Variants in PTPRN2 observed in about 807,000 individuals in gnomAD.
The protein encoded by PTPRN2 is receptor-type tyrosine-protein phosphatase N2.
Under a neutral mutation model 118.8 loss-of-function variants are expected in PTPRN2, and 74 were observed. The ratio of observed to expected loss-of-function variants is 0.62; its 90% CI spans 0.52 to 0.76. The LOEUF (loss-of-function observed/expected upper bound fraction) is 0.76. PTPRN2 is among the 30% of genes least tolerant of loss of function. The pLI is 0.00. For missense variants in PTPRN2, 1,481 were observed against 1,394.4 expected (o/e 1.06, Z -0.99); for synonymous variants, 641 against 608.0 (o/e 1.05, Z -0.80).
rs536248349 is a variant in PTPRN2, at chr7:158,272,919, G to A, written c.277+43900C>T. ...GCTTGGCTGTGTTGCCCCCCAGCCC[G>A]GTGCATGCAGACTCTGCTGACAGTC... On this transcript the variant is annotated intron_variant, in intron 3 of 22. Coordinates refer to ENST00000389418, the MANE Select transcript of PTPRN2 (RefSeq NM_002847.5). Among the ~76,000 whole-genome samples the A allele has an allele frequency of 1.4e-4, 21 of 152,220 alleles. No homozygotes were observed. In the East Asian group the frequency reaches 1.7e-3, roughly 13 times the overall value.
chr7:157,843,580 T>C (rs1363976611), intron 12 of PTPRN2, among the ~76,000 whole-genome samples: 1 of 152,094 alleles, frequency 6.6e-6, no homozygotes, highest in Non-Finnish European at 1.5e-5. Context: ...CGGGATTCCC[T>C]GGGGGAGGGC....
At chr7:157,655,690 G>A (rs1806028275) in intron 14 of PTPRN2, among the ~76,000 whole-genome samples, 1 of 152,310 alleles carries the variant, frequency 6.6e-6, no homozygotes, top group East Asian at 1.9e-4. Context: ...CCAGGACGAC[G>A]CCTACGGCCT....
At chr7:157,882,852 C>T (rs757278485) in intron 12 of PTPRN2, among the ~76,000 whole-genome samples, 6 of 151,214 alleles carry the variant, frequency 4.0e-5, no homozygotes, top group Non-Finnish European at 5.9e-5. Context: ...AACATGCCAC[C>T]CCCAAAATGG....
chr7:157,803,684 A>G (rs1805459274), intron 12 of PTPRN2, among the ~76,000 whole-genome samples: 1 of 151,904 alleles, frequency 6.6e-6, no homozygotes, highest in African/African-American at 2.4e-5. Flanking sequence ...TGAAGAGGCG[A>G]CCCTTCCCTA....
intron 12 of PTPRN2, among the ~76,000 whole-genome samples, chr7:157,721,224 G>A (rs1185684135): frequency 6.6e-6 from 1 of 152,210 alleles, no homozygotes; most frequent in Non-Finnish European, 1.5e-5. Context: ...CACGGTGTAG[G>A]CCCATTAGTG....
rs548211240 is a variant in PTPRN2 at position 158,003,638 on chromosome 7, G to A, written c.1723+77660C>T. Among the ~76,000 whole-genome samples the A allele has an allele frequency of 6.6e-6, 1 of 152,202 alleles. No homozygotes were observed. Among genetic ancestry groups the A allele is most frequent in the East Asian group, 1.9e-4 (1 of 5,134 alleles). ...GCCTTGGGGACTGCAGAGGATGGAT[G>A]TCTGCCCCACCTGTGGGGCTTCACC... On this transcript the variant is annotated intron_variant, in intron 11 of 22. Transcript: ENST00000389418. This position sits in a 1 kb window ranked among gnomAD's most constrained non-coding sequence, Gnocchi z 5.0.
intron 11 of PTPRN2, among the ~76,000 whole-genome samples, chr7:158,017,122 G>A (rs989107420): frequency 5.9e-5 from 9 of 152,232 alleles, no homozygotes; most frequent in African/African-American, 2.2e-4. Context: ...GGGCCCAGTG[G>A]TGCTTCTTGA....
intron 2 of PTPRN2, among the ~76,000 whole-genome samples, chr7:158,477,690 T>TTG (rs1289552478): frequency 6.6e-6 from 1 of 152,204 alleles, no homozygotes; most frequent in Non-Finnish European, 1.5e-5. Flanking sequence ...AAAAAACTCT[T>TTG]TGACACCCCA....
Position 158,441,017 on chromosome 7 carries a change from CGTG to C in PTPRN2, c.163+48715_163+48717del, listed in dbSNP as rs199869049. Among the ~76,000 whole-genome samples, 292 of 122,212 alleles carry C rather than the reference CGTG, an allele frequency of 2.4e-3. 4 individuals are homozygous for C. The East Asian group carries it at 0.051, about 21-fold the overall frequency. The allele number at this position is 122,212 out of a possible 152,430, so 80.2% of individuals were successfully genotyped here. ...TGGCAGTGATGGGGGTGGTGGTAGT[CGTG>C]GTGGTGGTGACAGTGGTAGTAGTGA... On this transcript the variant is annotated intron_variant, in intron 2 of 22. Coordinates refer to ENST00000389418, the MANE Select transcript of PTPRN2 (RefSeq NM_002847.5).
intron 11 of PTPRN2, among the ~76,000 whole-genome samples, chr7:158,071,089 G>T (rs1370886868): frequency 1.2e-5 from 1 of 80,236 alleles, no homozygotes; most frequent in African/African-American, 7.4e-5. Flanking sequence ...AGGTGCCCGT[G>T]GTGGTGGAGG....
intron 13 of PTPRN2, among the ~76,000 whole-genome samples, chr7:157,672,069 G>A (rs1189891396): frequency 5.9e-5 from 9 of 152,106 alleles, no homozygotes; most frequent in African/African-American, 1.4e-4. Flanking sequence ...CGAGGACACC[G>A]CTGACTGGGG....
At chr7:157,942,954 G>A (rs1409049722) in intron 11 of PTPRN2, among the ~76,000 whole-genome samples, 1 of 152,124 alleles carries the variant, frequency 6.6e-6, no homozygotes, top group Non-Finnish European at 1.5e-5. Flanking sequence ...TCCCATCCCT[G>A]GCATTTCCAT....
rs1051645640 is a variant in PTPRN2, at chr7:157,609,457, A to T, written c.2345-5382T>A. 6.6e-6 allele frequency among the ~76,000 whole-genome samples: 1 copy of T among 152,200 alleles called. No individual in the cohort carries two copies. Among genetic ancestry groups the T allele is most frequent in the Non-Finnish European group, 1.5e-5 (1 of 68,024 alleles). ...CAGATGTTCCATATTTTCACGGATT[A>T]GATCCTCTTCTCTCATCCTGGACCC... On this transcript the variant is annotated intron_variant, in intron 15 of 22. Coordinates refer to ENST00000389418, the MANE Select transcript of PTPRN2 (RefSeq NM_002847.5). This position sits in a 1 kb window ranked among gnomAD's most constrained non-coding sequence, Gnocchi z 4.9.
In PTPRN2 at chr7:158,546,191, G is replaced by A. The variant is rs958998651; in HGVS notation, c.112+41367C>T. On this transcript the variant is annotated intron_variant, in intron 1 of 22. Coordinates refer to ENST00000389418, the MANE Select transcript of PTPRN2 (RefSeq NM_002847.5). This position sits in a 1 kb window ranked among gnomAD's most constrained non-coding sequence, Gnocchi z 5.0. The stretch of plus-strand genomic sequence containing the variant: ...AGGGGGAAGGGGCTGGACACGGCCT[G>A]TCTCCTCCCTGAGAGGAACCATCAG... Among the ~76,000 whole-genome samples, 2 of 152,328 alleles carry A rather than the reference G, an allele frequency of 1.3e-5. No individual in the cohort carries two copies. Among genetic ancestry groups the A allele is most frequent in the Middle Eastern group, 3.4e-3 (1 of 294 alleles).
intron 14 of PTPRN2, among the ~76,000 whole-genome samples, chr7:157,638,667 G>T (rs1804476673): frequency 6.6e-6 from 1 of 152,260 alleles, no homozygotes; most frequent in Admixed American, 6.5e-5. Context: ...CAGTCACACG[G>T]CATGGGGACC....
At chr7:158,310,696 G>A (rs949236887) in intron 3 of PTPRN2, among the ~76,000 whole-genome samples, 3 of 151,774 alleles carry the variant, frequency 2.0e-5, no homozygotes, top group East Asian at 3.9e-4. Flanking sequence ...CAAGTCCCAC[G>A]GAGGGCGAGC....
chr7:158,523,466 G>C (rs111631125), intron 1 of PTPRN2, among the ~76,000 whole-genome samples: 1 of 143,828 alleles, frequency 7.0e-6, no homozygotes, highest in Admixed American at 6.8e-5. Flanking sequence ...CTGCCCTGGA[G>C]TGGAGTCCTC....
chr7:158,110,731 A>ATT, intron 10 of PTPRN2, 98 bp downstream of exon 10: 4 of 1,165,426 alleles, frequency 3.4e-6, no homozygotes. Context: ...CCCTCATGTA[A>ATT]TTAACAAGAG....
intron 3 of PTPRN2, among the ~76,000 whole-genome samples, chr7:158,231,636 T>G (rs1829168118): frequency 6.6e-6 from 1 of 152,176 alleles, no homozygotes; most frequent in Admixed American, 6.5e-5. Flanking sequence ...TGACTGACAT[T>G]TATATCATTT....
Sources: allele counts gnomAD v4.1 joint callset (sites outside exome capture counted in the v4.1 genomes callset), GRCh38; gene constraint gnomAD v4.1.1; non-coding constraint Gnocchi (gnomAD v3.1); transcripts MANE v1.5; gene names NCBI Gene and HGNC (gene_info 2026-07-23, HGNC 2026-07-21).